The following BOD1L1 variants were observed in gnomAD, a reference collection of about 807,000 sequenced individuals.
BOD1L1 encodes biorientation of chromosomes in cell division protein 1-like 1.
Under a neutral mutation model 240.7 loss-of-function variants are expected in BOD1L1, and 86 were observed. The ratio of observed to expected loss-of-function variants is 0.36; its 90% CI spans 0.30 to 0.43. The LOEUF (loss-of-function observed/expected upper bound fraction) is 0.43. BOD1L1 is among the 20% of genes least tolerant of loss of function. The probability of loss-of-function intolerance (pLI) is 1.00; values close to 1 mark genes in which losing one functional copy is unlikely to be tolerated. For missense variants in BOD1L1, 3,554 were observed against 3,643.5 expected, an observed-to-expected ratio of 0.98 and a Z score of 0.63; for synonymous variants, 1,268 against 1,272.3, an observed-to-expected ratio of 1.00 and a Z score of 0.07.
Position 13,601,302 on chromosome 4 carries a change from T to G in BOD1L1, c.5598A>C (p.Glu1866Asp), listed in dbSNP as rs774885812. Residue 1866 changes from glutamate (E) to aspartate (D), a missense_variant, in exon 10 of 26, where the codon GAA (glutamate) becomes GAC (aspartate). This residue lies in a region of BOD1L1 where 3,393 missense variants were observed against 3,427.1 expected (regional missense o/e 0.99). Coordinates refer to ENST00000040738, the MANE Select transcript of BOD1L1 (RefSeq NM_148894.3). ...CAGTACTAGTCACAACATCCTCCCC[T>G]TCCTCGTCTTCCTCTTTTGCGCCTG... is the stretch of plus-strand genomic sequence containing the variant. ...TSTGAKEEDE[E>D]GEDVVTSTGR... 4.3e-6 allele frequency: 7 copies of G among 1,613,994 alleles called. No homozygotes were observed. Among genetic ancestry groups the G allele is most frequent in the East Asian group, 2.2e-5 (1 of 44,886 alleles).
intron 25 of BOD1L1, among the ~76,000 whole-genome samples, chr4:13,574,050 A>G (rs1712487480): frequency 6.6e-6 from 1 of 152,304 alleles, no homozygotes; most frequent in East Asian, 1.9e-4. Context: ...CTCAATAAGC[A>G]AGCAGAGAAG....
At chr4:13,615,904 C>T (rs1463539792) in intron 2 of BOD1L1, among the ~76,000 whole-genome samples, 1 of 152,072 alleles carries the variant, frequency 6.6e-6, no homozygotes. Context: ...ATGGTCTCTA[C>T]AACTTTTTTT....
intron 25 of BOD1L1, among the ~76,000 whole-genome samples, chr4:13,576,594 T>C (rs1309356815): frequency 6.6e-6 from 1 of 152,148 alleles, no homozygotes; most frequent in African/African-American, 2.4e-5. Flanking sequence ...AGGAATTGAA[T>C]GGGTTCCACC....
chr4:13,599,543 T>A lies in BOD1L1; in HGVS notation c.7357A>T (p.Thr2453Ser). Residue 2453 changes from threonine (T) to serine (S), a missense_variant, in exon 10 of 26, where the codon ACT becomes TCT. Around this residue, in one of 2 missense-constraint regions of BOD1L1, gnomAD observed 3,393 missense variants for 3,427.1 expected, o/e 0.99. Coordinates refer to ENST00000040738, the MANE Select transcript of BOD1L1 (RefSeq NM_148894.3). Reference protein sequence around the residue: ...PFAGRGQKESTLHLINAEEKN... With the variant: ...PFAGRGQKESSLHLINAEEKN... ...TCTTCTGCATTTATGAGGTGTAAAG[T>A]GCTCTCTTTCTGTCCTCTTCCTGCA... 1 of 1,614,048 alleles carries A rather than the reference T, an allele frequency of 6.2e-7. No homozygotes were observed. The highest frequency in any genetic ancestry group is 8.5e-7 in the Non-Finnish European group (1 of 1,179,886).
At position 13,603,664 on chromosome 4, in the gene BOD1L1, G is replaced by A. The variant is rs749278406; in HGVS notation, c.3236C>T (p.Ser1079Leu). 4.3e-6 allele frequency: 7 copies of A among 1,613,786 alleles called. No individual in the cohort carries two copies. In the East Asian group the frequency reaches 1.3e-4, roughly 31 times the overall value. The change falls in exon 10 of 26, where the codon TCA becomes TTA. Residue 1079 changes from serine to leucine, a missense_variant. Ser to Leu is a moderately radical substitution (Grantham distance 145, BLOSUM62 -2). Around this residue, in one of 2 missense-constraint regions of BOD1L1, gnomAD observed 3,393 missense variants for 3,427.1 expected, o/e 0.99. Coordinates refer to ENST00000040738, the MANE Select transcript of BOD1L1 (RefSeq NM_148894.3). The part of the protein sequence containing the change: ...RLCENRRGSL[S>L]QEMAKGEEKL... ...TTCTTCTCCTTTGGCCATTTCTTGTGACAAGCTTCCTCTCCGATTTTCGCA... is the reference window on the plus strand; with the variant it reads ...TTCTTCTCCTTTGGCCATTTCTTGTAACAAGCTTCCTCTCCGATTTTCGCA...
chr4:13,605,102 T>A lies in BOD1L1; in HGVS notation c.1816-18A>T. On this transcript the variant is annotated intron_variant, in intron 9 of 25. Coordinates refer to ENST00000040738, the MANE Select transcript of BOD1L1 (RefSeq NM_148894.3). ...TCACAATGCTGAAAGAAAACAAAGG[T>A]TAAAATATGAGAAATACCAAAATCA... 1.3e-6 allele frequency: 2 copies of A among 1,495,156 alleles called. No homozygotes were observed. The highest frequency in any genetic ancestry group is 1.8e-6 in the Non-Finnish European group (2 of 1,126,112). 92.6% of individuals were successfully genotyped at this position (1,495,156 alleles called of 1,614,324 possible).
intron 14 of BOD1L1, among the ~76,000 whole-genome samples, chr4:13,590,074 C>G (rs1373996290): frequency 6.6e-6 from 1 of 152,190 alleles, no homozygotes; most frequent in East Asian, 1.9e-4. Flanking sequence ...TGGGTACTTG[C>G]AATCCACAGG....
chr4:13,612,956 G>A (rs1716297468), intron 5 of BOD1L1, among the ~76,000 whole-genome samples: 1 of 152,164 alleles, frequency 6.6e-6, no homozygotes, highest in Non-Finnish European at 1.5e-5. Context: ...CAATGCAGAG[G>A]AAGTAATTCA....
Position 13,601,423 on chromosome 4 carries a change from C to T in BOD1L1, c.5477G>A (p.Gly1826Glu). The change falls in exon 10 of 26, where the codon GGA becomes GAA. Residue 1826 changes from glycine to glutamate, a missense_variant. Physicochemically the swap from Gly to Glu is moderately conservative, Grantham distance 98. This residue lies in a region of BOD1L1 where 3,393 missense variants were observed against 3,427.1 expected (regional missense o/e 0.99). Transcript: ENST00000040738. ...FAISSESEEN[G>E]ESAMDSTVAK... Reference sequence around the variant, plus strand: ...CACTGTGCTGTCCATTGCACTCTCTCCATTTTCTTCCGATTCAGAACTTAT... The same window carrying T: ...CACTGTGCTGTCCATTGCACTCTCTTCATTTTCTTCCGATTCAGAACTTAT... The T allele has an allele frequency of 6.2e-7, 1 of 1,614,062 alleles. No homozygotes were observed. Among genetic ancestry groups the T allele is most frequent in the South Asian group, 1.1e-5 (1 of 91,086 alleles).
chr4:13,578,982 A>G (rs562622872), intron 22 of BOD1L1, among the ~76,000 whole-genome samples: 139 of 152,354 alleles, frequency 9.1e-4, no homozygotes, highest in African/African-American at 3.2e-3. Context: ...AAAAGTAAAG[A>G]TTAGTTCAAT....
chr4:13,599,255 G>A lies in BOD1L1; in HGVS notation c.7645C>T (p.His2549Tyr), dbSNP rs1004773060. Reference sequence around the variant, plus strand: ...TGCTGCTCAGCAGGAAGAAAGGAATGCTCAGCCACGGTCCCTTGAACAGGT... The same window carrying A: ...TGCTGCTCAGCAGGAAGAAAGGAATACTCAGCCACGGTCCCTTGAACAGGT... Reference protein sequence around the residue: ...MPPVQGTVAEHSFLPAEQQGS... With the variant: ...MPPVQGTVAEYSFLPAEQQGS... The change falls in exon 10 of 26, where the codon CAT becomes TAT. Residue 2549 changes from histidine (H) to tyrosine (Y), a missense_variant. Physicochemically the swap from His to Tyr is moderately conservative, Grantham distance 83. Coordinates refer to ENST00000040738, the MANE Select transcript of BOD1L1 (RefSeq NM_148894.3). 13 of 1,613,642 alleles carry A rather than the reference G, an allele frequency of 8.1e-6. No homozygotes were observed. The highest frequency in any genetic ancestry group is 1.1e-5 in the Non-Finnish European group (13 of 1,179,684).
chr4:13,612,526 G>C (rs1452943138), intron 5 of BOD1L1, among the ~76,000 whole-genome samples: 1 of 152,080 alleles, frequency 6.6e-6, no homozygotes, highest in Non-Finnish European at 1.5e-5. Context: ...GTGGTTCTGA[G>C]GACTATAGGA....
chr4:13,594,687 G>A (rs1383941459), intron 12 of BOD1L1, among the ~76,000 whole-genome samples: 1 of 152,150 alleles, frequency 6.6e-6, no homozygotes, highest in East Asian at 1.9e-4. Context: ...ACGAGGTCAG[G>A]AGATCGAGAC....
intron 25 of BOD1L1, among the ~76,000 whole-genome samples, chr4:13,571,845 T>A (rs971169366): frequency 3.9e-5 from 6 of 152,320 alleles, no homozygotes; most frequent in Non-Finnish European, 8.8e-5. Flanking sequence ...ACTATTACAA[T>A]TCACTCACTG....
chr4:13,571,639 A>T (rs1253999473), intron 25 of BOD1L1, among the ~76,000 whole-genome samples: 2 of 152,166 alleles, frequency 1.3e-5, no homozygotes, highest in Non-Finnish European at 2.9e-5. Flanking sequence ...TCCACCCAGA[A>T]TGTGGTCTGT....
At position 13,591,938 on chromosome 4, in the gene BOD1L1, C is replaced by T; in HGVS notation, c.8133G>A (p.Val2711=). ...AGTGACTTACATTTAGTGATTCATT[C>T]ACCAACAAAGGCTCCCTCTGGAGTT... is the stretch of plus-strand genomic sequence containing the variant. ...IAELQREPLL[V]NESLNVENSG... Residue 2711 remains valine, a synonymous_variant, in exon 13 of 26, where the codon GTG becomes GTA. Transcript: ENST00000040738. The T allele has an allele frequency of 1.3e-6, 2 of 1,564,640 alleles. No individual in the cohort carries two copies. Among genetic ancestry groups the T allele is most frequent in the African/African-American group, 1.4e-5 (1 of 73,652 alleles).
intron 1 of BOD1L1, chr4:13,623,423 C>A (rs1717171459): frequency 6.6e-6 from 1 of 152,212 alleles, no homozygotes; most frequent in Non-Finnish European, 1.5e-5. Flanking sequence ...GCCTCTTGAT[C>A]ATCCCTCCTC....
At chr4:13,582,149 A>G in intron 19 of BOD1L1, 88 bp downstream of exon 19, 1 of 1,133,694 alleles carries the variant, frequency 8.8e-7, no homozygotes. Context: ...AGTACTTAAG[A>G]AAAACTCAAG....
rs201792936 is a variant in BOD1L1, at chr4:13,599,400, G to C, written c.7500C>G (p.Asn2500Lys). Residue 2500 changes from asparagine to lysine, a missense_variant, in exon 10 of 26, where the codon AAC (asparagine) becomes AAG (lysine). Asn to Lys is a moderately conservative substitution (Grantham distance 94, BLOSUM62 0). This residue lies in a region of BOD1L1 where 3,393 missense variants were observed against 3,427.1 expected (regional missense o/e 0.99). Transcript: ENST00000040738. ...CTGGTCCTCTCAGGTGGGCAGGTGA[G>C]TTAGCATTCCCCTCTAAGCCCCTTC... ...SAGRGLEGNA[N>K]SPAHLRGPEQ... is the part of the protein sequence containing the mutation. The C allele has an allele frequency of 3.9e-5, 63 of 1,613,920 alleles. No homozygotes were observed. The highest frequency in any genetic ancestry group is 5.0e-5 in the Admixed American group (3 of 60,006).
Sources: allele counts gnomAD v4.1 joint callset (sites outside exome capture counted in the v4.1 genomes callset), GRCh38; gene constraint gnomAD v4.1.1; regional missense constraint gnomAD v4.1.1; transcripts MANE v1.5; gene names NCBI Gene and HGNC (gene_info 2026-07-23, HGNC 2026-07-21).